SLC26A8: variants seen among roughly 807,000 people sequenced by gnomAD.
The protein encoded by SLC26A8 is testis anion transporter 1.
A neutral mutation model predicts 105.0 loss-of-function variants in SLC26A8; 70 were observed. The ratio of observed to expected loss-of-function variants is 0.67; its 90% confidence interval spans 0.55 to 0.81. SLC26A8 has a LOEUF of 0.81. Among genes scored for constraint, SLC26A8 ranks in the 40% least tolerant of loss-of-function variants. The probability of loss-of-function intolerance (pLI) is 0.00; values close to 1 mark genes in which losing one functional copy is unlikely to be tolerated. For missense variants in SLC26A8, 998 were observed against 1,181.8 expected, an observed-to-expected ratio of 0.84 and a Z score of 2.28; for synonymous variants, 415 against 438.3, an observed-to-expected ratio of 0.95 and a Z score of 0.66.
chr6:36,016,153 C>G (rs571452965), intron 2 of SLC26A8, among the ~76,000 whole-genome samples: 1 of 152,116 alleles, frequency 6.6e-6, no homozygotes, highest in South Asian at 2.1e-4. Context: ...GCCACCAAGC[C>G]CAGCTAATTT....
At chr6:35,977,783 G>A (rs952375198) in intron 8 of SLC26A8, among the ~76,000 whole-genome samples, 52 of 151,920 alleles carry the variant, frequency 3.4e-4, no homozygotes, top group African/African-American at 1.2e-3. Flanking sequence ...GTCAACATAC[G>A]GCTGGGTGCG....
chr6:35,977,104 A>T, intron 9 of SLC26A8, 100 bp downstream of exon 9: 1 of 1,318,426 alleles, frequency 7.6e-7, no homozygotes, highest in Non-Finnish European at 1.0e-6. Flanking sequence ...CCATGGTCCA[A>T]GTGGCTCTTC....
chr6:35,950,609 GA>G (rs1428854705), intron 19 of SLC26A8, among the ~76,000 whole-genome samples: 1 of 152,150 alleles, frequency 6.6e-6, no homozygotes, highest in Non-Finnish European at 1.5e-5. Flanking sequence ...ATAAAAGGCT[GA>G]AAATTCAGAC....
chr6:35,952,170 T>C (rs1771901393), intron 17 of SLC26A8, among the ~76,000 whole-genome samples: 1 of 152,114 alleles, frequency 6.6e-6, no homozygotes, highest in Admixed American at 6.6e-5. Flanking sequence ...CTCTGGAGAA[T>C]CATCTCAAAC....
intron 1 of SLC26A8, 137 bp from the exon 2 acceptor site, chr6:36,019,846 C>A: frequency 1.2e-6 from 1 of 816,314 alleles, no homozygotes; most frequent in South Asian, 2.5e-5. Flanking sequence ...AAAACTCTTT[C>A]TCAAAGTTGT....
At chr6:36,020,339 A>T (rs1181389656) in intron 1 of SLC26A8, among the ~76,000 whole-genome samples, 1 of 152,232 alleles carries the variant, frequency 6.6e-6, no homozygotes, top group Non-Finnish European at 1.5e-5. Flanking sequence ...GCAGGCCCTT[A>T]ACAAGTGTTT....
rs191020229 is a variant in SLC26A8 at position 35,943,919 on chromosome 6, T to C, written c.2894A>G (p.Asn965Ser). The C allele has an allele frequency of 1.2e-4, 194 of 1,613,854 alleles. 1 individual carries two copies. The Admixed American group carries it at 2.6e-3, about 22-fold the overall frequency. ...HPMDSYSPEG[N>S]SNEDV ...CATCTCCTAGACATCTTCATTGCTG[T>C]TGCCCTCTGGTGAGTATGAATCCAT... Residue 965 changes from asparagine (N) to serine (S), a missense_variant, in exon 20 of 20, where the codon AAC (asparagine) becomes AGC (serine). Transcript: ENST00000490799.
intron 3 of SLC26A8, 139 bp downstream of exon 3, chr6:36,012,094 A>T: frequency 8.2e-7 from 1 of 1,218,532 alleles, no homozygotes. Context: ...TCTGGCAGAT[A>T]AGGGAACAAA....
intron 16 of SLC26A8, among the ~76,000 whole-genome samples, chr6:35,958,498 G>GA (rs1042224858): frequency 6.7e-6 from 1 of 150,292 alleles, no homozygotes; most frequent in South Asian, 2.1e-4. Flanking sequence ...TATTATGAAA[G>GA]AAAAAAACAA....
chr6:36,009,543 A>T (rs1761791427), intron 3 of SLC26A8, among the ~76,000 whole-genome samples: 1 of 152,204 alleles, frequency 6.6e-6, no homozygotes, highest in African/African-American at 2.4e-5. Context: ...TCATATATAC[A>T]ACAATCTGGA....
At chr6:35,958,485 C>T (rs1581631343) in intron 16 of SLC26A8, among the ~76,000 whole-genome samples, 1 of 151,336 alleles carries the variant, frequency 6.6e-6, no homozygotes, top group African/African-American at 2.4e-5. Flanking sequence ...TAAGATATAC[C>T]ACTATTATGA....
Position 35,961,037 on chromosome 6 carries a change from G to A in SLC26A8, c.1524C>T (p.Ile508=). Residue 508 remains isoleucine (I), a synonymous_variant, in exon 13 of 20, where the codon ATC becomes ATT. Coordinates refer to ENST00000490799, the MANE Select transcript of SLC26A8 (RefSeq NM_052961.4). The part of the protein sequence containing the change: ...IFLGLDIGLI[I]SVVSAFFITT... ...TGATGAAGAAAGCAGAAACTACTGA[G>A]ATAATTAGTCCAATGTCCAGTCCCA... The A allele has an allele frequency of 6.2e-7, 1 of 1,614,146 alleles. No homozygotes were observed. The highest frequency in any genetic ancestry group is 1.6e-4 in the Middle Eastern group (1 of 6,062).
chr6:36,003,320 A>G, intron 3 of SLC26A8, among the ~76,000 whole-genome samples: 1 of 152,342 alleles, frequency 6.6e-6, no homozygotes, highest in South Asian at 2.1e-4. Context: ...CTGTCTCTGT[A>G]GTGACATATC....
intron 7 of SLC26A8, among the ~76,000 whole-genome samples, chr6:35,988,064 C>A (rs765994080): frequency 2.0e-5 from 3 of 152,014 alleles, no homozygotes; most frequent in Non-Finnish European, 4.4e-5. Flanking sequence ...GCACACGCCA[C>A]CATGCCCGGC....
chr6:36,001,184 A>G (rs1581685065), intron 3 of SLC26A8, among the ~76,000 whole-genome samples: 2 of 148,930 alleles, frequency 1.3e-5, no homozygotes, highest in South Asian at 4.2e-4. Context: ...GCTGGAGTGC[A>G]GTGGCGCGAT....
chr6:35,987,808 G>T (rs1773584236), intron 7 of SLC26A8, among the ~76,000 whole-genome samples: 1 of 152,114 alleles, frequency 6.6e-6, no homozygotes, highest in South Asian at 2.1e-4. Context: ...GAGGTGCAGG[G>T]GACACATGAT....
At position 35,981,200 on chromosome 6, in the gene SLC26A8, AT is replaced by A. The variant is rs1773252673; in HGVS notation, c.1025+920del. ...ATTCATCTGATTAAGGTTAAAAAAA[AT>A]AATTTCCTAACAGAAGCAAGAGCCA... On this transcript the variant is annotated intron_variant, in intron 8 of 19. Transcript: ENST00000490799. The surrounding 1 kb of genome is among the most constrained non-coding windows in gnomAD (Gnocchi z 4.0). Among the ~76,000 whole-genome samples, 1 of 152,204 alleles carries A rather than the reference AT, an allele frequency of 6.6e-6. No homozygotes were observed. Among genetic ancestry groups the A allele is most frequent in the Non-Finnish European group, 1.5e-5 (1 of 68,036 alleles).
chr6:36,007,614 G>A (rs959111445), intron 3 of SLC26A8, among the ~76,000 whole-genome samples: 1 of 152,038 alleles, frequency 6.6e-6, no homozygotes, highest in Non-Finnish European at 1.5e-5. Context: ...AAATGAATAC[G>A]GAAGAATAGC....
At chr6:36,009,305 C>T (rs191939720) in intron 3 of SLC26A8, among the ~76,000 whole-genome samples, 3 of 152,134 alleles carry the variant, frequency 2.0e-5, no homozygotes, top group Admixed American at 1.3e-4. Flanking sequence ...GAGCCGAGAT[C>T]GTGCCACTGT....
Sources: gnomAD v4.1 joint callset for allele counts (sites outside exome capture counted in the v4.1 genomes callset) on GRCh38, gnomAD v4.1.1 for gene constraint, Gnocchi (gnomAD v3.1) non-coding constraint, MANE v1.5 for transcripts, NCBI Gene and HGNC (gene_info 2026-07-23, HGNC 2026-07-21) for gene names.